The following THSD7A variants were observed in gnomAD, a reference collection of about 807,000 sequenced individuals.
THSD7A encodes the protein thrombospondin type-1 domain-containing protein 7A.
Under a neutral mutation model 231.3 loss-of-function variants are expected in THSD7A, and 96 were observed. That is an observed-to-expected ratio of 0.41 (90% CI 0.35 to 0.49). The LOEUF (loss-of-function observed/expected upper bound fraction) is 0.49. THSD7A is among the 20% of genes least tolerant of loss of function. THSD7A has a pLI of 0.05. For missense variants in THSD7A, 2,290 were observed against 2,070.2 expected (o/e 1.11, Z -2.06); for synonymous variants, 940 against 743.3 (o/e 1.26, Z -4.30).
At chr7:11,794,886 AACAC>A (rs1357504232) in intron 1 of THSD7A, among the ~76,000 whole-genome samples, 2 of 152,050 alleles carry the variant, frequency 1.3e-5, no homozygotes, top group African/African-American at 4.8e-5. Flanking sequence ...TAGGGACAAA[AACAC>A]ACAGATGGAA....
intron 1 of THSD7A, among the ~76,000 whole-genome samples, chr7:11,806,731 G>A (rs1318950121): frequency 6.6e-6 from 1 of 152,174 alleles, no homozygotes; most frequent in African/African-American, 2.4e-5. Flanking sequence ...AAAGCAGGTA[G>A]AAAAGGTTCA....
At chr7:11,604,057 C>T (rs950180418) in intron 2 of THSD7A, among the ~76,000 whole-genome samples, 5 of 151,644 alleles carry the variant, frequency 3.3e-5, no homozygotes, top group Non-Finnish European at 2.9e-5. Context: ...AAAAAAGATT[C>T]TCAAGATGAT....
intron 6 of THSD7A, among the ~76,000 whole-genome samples, chr7:11,482,600 G>C (rs1786475993): frequency 6.6e-6 from 1 of 152,186 alleles, no homozygotes; most frequent in Admixed American, 6.5e-5. Flanking sequence ...GGAAACAATA[G>C]AAAACAAACA....
intron 23 of THSD7A, among the ~76,000 whole-genome samples, chr7:11,391,985 C>A (rs1783000960): frequency 6.6e-6 from 1 of 151,928 alleles, no homozygotes; most frequent in Non-Finnish European, 1.5e-5. Flanking sequence ...ATGTAGAAAT[C>A]ACCCATCTTC....
At position 11,379,615 on chromosome 7, in the gene THSD7A, T is replaced by A. The variant is rs1782428942; in HGVS notation, c.4590+15A>T. The A allele has an allele frequency of 3.2e-6, 5 of 1,569,236 alleles. No homozygotes were observed. The highest frequency in any genetic ancestry group is 2.4e-5 in the East Asian group (1 of 42,504). ...GATGGAGCTGGCTTGTCTGCCCTGA[T>A]GAATTTTCACATACCTCGCTACAGT... is the stretch of plus-strand genomic sequence containing the variant. On this transcript the variant is annotated intron_variant, in intron 25 of 27. Coordinates refer to ENST00000423059, the MANE Select transcript of THSD7A (RefSeq NM_015204.3).
chr7:11,477,704 G>T (rs1349433911), intron 7 of THSD7A, among the ~76,000 whole-genome samples: 2 of 152,000 alleles, frequency 1.3e-5, no homozygotes, highest in African/African-American at 2.4e-5. Flanking sequence ...AGATCCTCCT[G>T]GCCCATCTTG....
rs1460387848 is a variant in THSD7A at position 11,404,738 on chromosome 7, TTTTAC to T, written c.4237+1557_4237+1561del. On this transcript the variant is annotated intron_variant, in intron 22 of 27. Coordinates refer to ENST00000423059, the MANE Select transcript of THSD7A (RefSeq NM_015204.3). ...CTTTAGAAAGTCAGATTTTCTTTTC[TTTTAC>T]TTTATTTTTAAATTTTATTTTATTC... Among the ~76,000 whole-genome samples the T allele has an allele frequency of 7.2e-5, 11 of 152,312 alleles. No individual in the cohort carries two copies. In the East Asian group the frequency reaches 1.7e-3, roughly 24 times the overall value.
Position 11,470,584 on chromosome 7 carries a change from G to T in THSD7A, c.2253-590C>A, listed in dbSNP as rs148043928. Among the ~76,000 whole-genome samples the T allele has an allele frequency of 3.3e-5, 5 of 151,612 alleles. No homozygotes were observed. In the East Asian group the frequency reaches 7.8e-4, roughly 24 times the overall value. On this transcript the variant is annotated intron_variant, in intron 8 of 27. Transcript: ENST00000423059. ...TAAATCAATCTGATAAGCAGTTTTT[G>T]CTTTATTCCTGCTTTTATTTAGTGC...
chr7:11,438,273 A>G (rs1784695103), intron 13 of THSD7A, among the ~76,000 whole-genome samples: 1 of 152,106 alleles, frequency 6.6e-6, no homozygotes, highest in Non-Finnish European at 1.5e-5. Flanking sequence ...GTTTCCACAC[A>G]AGGATATAAA....
At chr7:11,402,517 G>C (rs555990547) in intron 22 of THSD7A, among the ~76,000 whole-genome samples, 21 of 152,238 alleles carry the variant, frequency 1.4e-4, no homozygotes, top group African/African-American at 4.3e-4. Context: ...TATTTCCTCT[G>C]ATCTACATCC....
chr7:11,381,490 C>T (rs1256929055), intron 24 of THSD7A, among the ~76,000 whole-genome samples: 2 of 152,092 alleles, frequency 1.3e-5, no homozygotes, highest in Non-Finnish European at 2.9e-5. Flanking sequence ...TTGATCCTTG[C>T]TCCTGTTTCT....
In THSD7A at chr7:11,632,456, GA is replaced by G. The variant is rs1208307162; in HGVS notation, c.1022+3673del. ...TATATTTGTGTACATCAACCTTATTGATTTTTTTATTGTTTATATTTTCAAT... is the reference window on the plus strand; with the variant it reads ...TATATTTGTGTACATCAACCTTATTGTTTTTTTATTGTTTATATTTTCAAT... On this transcript the variant is annotated intron_variant, in intron 2 of 27. Transcript: ENST00000423059. The surrounding 1 kb of genome is among the most constrained non-coding windows in gnomAD (Gnocchi z 4.1). 3.3e-5 allele frequency among the ~76,000 whole-genome samples: 5 copies of G among 152,090 alleles called. No homozygotes were observed. Among genetic ancestry groups the G allele is most frequent in the East Asian group, 3.9e-4 (2 of 5,172 alleles).
chr7:11,406,883 T>A lies in THSD7A; in HGVS notation c.4062+27A>T. On this transcript the variant is annotated intron_variant, in intron 21 of 27. Coordinates refer to ENST00000423059, the MANE Select transcript of THSD7A (RefSeq NM_015204.3). The surrounding 1 kb of genome is among the most constrained non-coding windows in gnomAD (Gnocchi z 4.7). Reference sequence around the variant, plus strand: ...AGTCTCTGCAGATAGAGTACACACTTCCTGACAACTTCTTGAGATTTGATA... The same window carrying A: ...AGTCTCTGCAGATAGAGTACACACTACCTGACAACTTCTTGAGATTTGATA... The A allele has an allele frequency of 6.2e-7, 1 of 1,613,280 alleles. No homozygotes were observed. Among genetic ancestry groups the A allele is most frequent in the Non-Finnish European group, 8.5e-7 (1 of 1,179,558 alleles).
intron 1 of THSD7A, among the ~76,000 whole-genome samples, chr7:11,657,756 G>T (rs548139374): frequency 6.6e-6 from 1 of 151,764 alleles, no homozygotes; most frequent in Non-Finnish European, 1.5e-5. Flanking sequence ...GTGCTAGACT[G>T]ACAGTAAATA....
At chr7:11,477,776 T>C (rs1562642009) in intron 7 of THSD7A, among the ~76,000 whole-genome samples, 1 of 152,164 alleles carries the variant, frequency 6.6e-6, no homozygotes, top group Non-Finnish European at 1.5e-5. Context: ...TTCCTTTTGT[T>C]AGACAATAGT....
At position 11,374,059 on chromosome 7, in the gene THSD7A, A is replaced by G. The variant is rs925387254; in HGVS notation, c.*1735T>C. 6.6e-6 allele frequency: 1 copy of G among 152,092 alleles called. No individual in the cohort carries two copies. Among genetic ancestry groups the G allele is most frequent in the Non-Finnish European group, 1.5e-5 (1 of 67,986 alleles). The allele number at this position is 152,092 out of a possible 1,614,324, so 9.4% of individuals were successfully genotyped here. On this transcript the variant is annotated 3_prime_UTR_variant, in exon 28 of 28. Coordinates refer to ENST00000423059, the MANE Select transcript of THSD7A (RefSeq NM_015204.3). The stretch of plus-strand genomic sequence containing the variant: ...ACAGTGGGAAATGTAATGACTGTAA[A>G]TTCTCACCTTTGAAAAATGAATGAA...
At chr7:11,678,987 A>C (rs971532628) in intron 1 of THSD7A, among the ~76,000 whole-genome samples, 1 of 152,194 alleles carries the variant, frequency 6.6e-6, no homozygotes, top group Non-Finnish European at 1.5e-5. Flanking sequence ...GCACATTAAA[A>C]AGCTTATCCA....
At chr7:11,724,283 T>C (rs999973077) in intron 1 of THSD7A, among the ~76,000 whole-genome samples, 3 of 151,918 alleles carry the variant, frequency 2.0e-5, no homozygotes, top group African/African-American at 7.2e-5. Flanking sequence ...CAATTTCTAG[T>C]ATAGGATTCA....
chr7:11,675,379 A>C (rs1456170906), intron 1 of THSD7A, among the ~76,000 whole-genome samples: 1 of 152,046 alleles, frequency 6.6e-6, no homozygotes, highest in Non-Finnish European at 1.5e-5. Context: ...GGAGTTTTTC[A>C]TACCCCAGTG....
Sources: allele counts gnomAD v4.1 joint callset (sites outside exome capture counted in the v4.1 genomes callset), GRCh38; gene constraint gnomAD v4.1.1; non-coding constraint Gnocchi (gnomAD v3.1); transcripts MANE v1.5; gene names NCBI Gene and HGNC (gene_info 2026-07-23, HGNC 2026-07-21).